BIRC6: variants seen among roughly 807,000 people sequenced by gnomAD.
The protein encoded by BIRC6 is baculoviral IAP repeat containing 6, also known as dual E2 ubiquitin-conjugating enzyme/E3 ubiquitin-protein ligase BIRC6.
A neutral mutation model predicts 503.3 loss-of-function variants in BIRC6; 98 were observed. The observed-to-expected ratio is 0.19, with a 90% confidence interval of 0.17 to 0.23. The LOEUF (loss-of-function observed/expected upper bound fraction) is 0.23. Ranked by LOEUF, BIRC6 falls within the 10% of genes least tolerant of loss-of-function variation. BIRC6 has a pLI of 1.00. For missense variants in BIRC6, 5,360 were observed against 5,806.0 expected, an observed-to-expected ratio of 0.92 and a Z score of 2.50; for synonymous variants, 2,240 against 2,078.7, an observed-to-expected ratio of 1.08 and a Z score of -2.11.
chr2:32,357,290 G>C lies in BIRC6; in HGVS notation c.129G>C (p.Ser43=). Residue 43 remains serine, a synonymous_variant, in exon 1 of 74, where the codon TCG becomes TCC. Transcript: ENST00000421745. This position sits in a 1 kb window ranked among gnomAD's most constrained non-coding sequence, Gnocchi z 4.9. The part of the protein sequence containing the change: ...AAAASGPGCS[S]AAGAGAAGVS... ...CGGCCTCGGGCCCCGGCTGCTCCTCGGCGGCGGGGGCGGGGGCGGCCGGGG... is the reference window on the plus strand; with the variant it reads ...CGGCCTCGGGCCCCGGCTGCTCCTCCGCGGCGGGGGCGGGGGCGGCCGGGG... The C allele has an allele frequency of 6.6e-7, 1 of 1,524,410 alleles. No individual in the cohort carries two copies. Among genetic ancestry groups the C allele is most frequent in the Non-Finnish European group, 8.8e-7 (1 of 1,139,358 alleles). The allele number at this position is 1,524,410 out of a possible 1,614,324, so 94.4% of individuals were successfully genotyped here. A position where few individuals can be genotyped will look rare whatever the true frequency, so the allele number is the denominator to read the frequency against.
At chr2:32,428,835 A>C (rs2043804517) in intron 10 of BIRC6, among the ~76,000 whole-genome samples, 1 of 152,206 alleles carries the variant, frequency 6.6e-6, no homozygotes, top group Non-Finnish European at 1.5e-5. Flanking sequence ...TAATAGTTCT[A>C]CCACAAGGGT....
rs1489283645 is a variant in BIRC6, at chr2:32,597,755, G to A, written c.13617G>A (p.Thr4539=). Residue 4539 remains threonine (T), a synonymous_variant, in exon 69 of 74, where the codon ACG becomes ACA. Transcript: ENST00000421745. ...VAVMKKLQFD[T]FEMVSEDEDG... is the part of the protein sequence containing the mutation. Reference sequence around the variant, plus strand: ...TATTTTTTCTTCTCCTTTTAGATACGTTTGAAATGGTTTCTGAAGATGAAG... The same window carrying A: ...TATTTTTTCTTCTCCTTTTAGATACATTTGAAATGGTTTCTGAAGATGAAG... 2.5e-5 allele frequency: 41 copies of A among 1,608,300 alleles called. No homozygotes were observed. Among genetic ancestry groups the A allele is most frequent in the Middle Eastern group, 1.6e-4 (1 of 6,068 alleles).
chr2:32,511,173 A>ATATTTAG (rs1207981236), intron 53 of BIRC6, among the ~76,000 whole-genome samples: 1 of 145,630 alleles, frequency 6.9e-6, no homozygotes, highest in Non-Finnish European at 1.5e-5. Context: ...CATTGGCTAA[A>ATATTTAG]TATTTAGTGA....
At chr2:32,375,296 G>A (rs949342624) in intron 1 of BIRC6, among the ~76,000 whole-genome samples, 3 of 151,954 alleles carry the variant, frequency 2.0e-5, no homozygotes, top group African/African-American at 7.3e-5. Flanking sequence ...GTATTGAATA[G>A]GAATGGTAAG....
At chr2:32,569,162 G>A (rs1459306866) in intron 65 of BIRC6, among the ~76,000 whole-genome samples, 2 of 151,734 alleles carry the variant, frequency 1.3e-5, no homozygotes, top group Admixed American at 6.6e-5. Context: ...GGTAATTTTT[G>A]TATTTTAGTA....
Position 32,468,689 on chromosome 2 carries a change from A to G in BIRC6, c.6033A>G (p.Pro2011=), listed in dbSNP as rs1458233566. 5 of 1,613,900 alleles carry G rather than the reference A, an allele frequency of 3.1e-6. No individual in the cohort carries two copies. The African/African-American group carries it at 5.3e-5, about 17-fold the overall frequency. ...AGATGTTGAGTGAAACATCAAATCC[A>G]GAAGATTTAATTCAGACATCTTCCA... ...SRKMLSETSN[P]EDLIQTSSTE... The change falls in exon 29 of 74, where the codon CCA becomes CCG. Residue 2011 remains proline, a synonymous_variant. Coordinates refer to ENST00000421745, the MANE Select transcript of BIRC6 (RefSeq NM_016252.4).
chr2:32,510,638 C>T lies in BIRC6; in HGVS notation c.10346+4C>T, dbSNP rs765182508. Reference sequence around the variant, plus strand: ...AGGATCCTGGTACAAAAGACAGGTACGATTTTATTTTTCATTTAATTAAGC... The same window carrying T: ...AGGATCCTGGTACAAAAGACAGGTATGATTTTATTTTTCATTTAATTAAGC... On this transcript the variant is annotated splice_donor_region_variant and intron_variant, in intron 53 of 73. Coordinates refer to ENST00000421745, the MANE Select transcript of BIRC6 (RefSeq NM_016252.4). 23 of 1,547,226 alleles carry T rather than the reference C, an allele frequency of 1.5e-5. No homozygotes were observed. The highest frequency in any genetic ancestry group is 4.5e-5 in the East Asian group (2 of 44,516).
chr2:32,461,087 C>G (rs1397884178), intron 23 of BIRC6, among the ~76,000 whole-genome samples: 2 of 7,018 alleles, frequency 2.8e-4, no homozygotes, highest in African/African-American at 1.1e-3. Flanking sequence ...CCTCTCCTCT[C>G]CTCTCCTCTC....
intron 65 of BIRC6, chr2:32,574,596 G>C (rs1307539499): frequency 6.4e-6 from 1 of 156,668 alleles, no homozygotes; most frequent in Non-Finnish European, 1.4e-5. Flanking sequence ...TCATTAAATG[G>C]AAGTGGATCA....
chr2:32,414,207 G>A (rs2042187683), intron 9 of BIRC6, among the ~76,000 whole-genome samples: 1 of 152,084 alleles, frequency 6.6e-6, no homozygotes, highest in African/African-American at 2.4e-5. Context: ...AACCTGGGAG[G>A]CGGAGGTTTT....
chr2:32,485,807 C>G (rs200608124), intron 40 of BIRC6, 48 bp downstream of exon 40: 1 of 1,245,576 alleles, frequency 8.0e-7, no homozygotes, highest in East Asian at 2.4e-5. Context: ...TGATTCAGCT[C>G]TTCATCATTT....
At position 32,502,828 on chromosome 2, in the gene BIRC6, T is replaced by A; in HGVS notation, c.9241T>A (p.Leu3081Ile). The A allele has an allele frequency of 6.2e-7, 1 of 1,613,042 alleles. No individual in the cohort carries two copies. Among genetic ancestry groups the A allele is most frequent in the Non-Finnish European group, 8.5e-7 (1 of 1,179,550 alleles). Residue 3081 changes from leucine (L) to isoleucine (I), a missense_variant, in exon 48 of 74, where the codon TTA becomes ATA. By Grantham distance (5) the Leu-to-Ile change is conservative (BLOSUM62 2). Coordinates refer to ENST00000421745, the MANE Select transcript of BIRC6 (RefSeq NM_016252.4). ...TGCTACTTGCCAGTTATCTGAGCCA[T>A]TATTGTGGTTCATTTTGAGAGTATT... ...SLATCQLSEP[L>I]LWFILRVLDT...
chr2:32,469,280 G>A (rs1288205739), intron 29 of BIRC6, 115 bp from the exon 30 acceptor site: 1 of 786,254 alleles, frequency 1.3e-6, no homozygotes. Context: ...AGAATAAATA[G>A]AATATAATTA....
At chr2:32,361,819 TTATC>T (rs1453019309) in intron 1 of BIRC6, among the ~76,000 whole-genome samples, 1 of 152,224 alleles carries the variant, frequency 6.6e-6, no homozygotes, top group Non-Finnish European at 1.5e-5. Context: ...GTTGCCTTCT[TTATC>T]TATATGCATT....
chr2:32,490,246 C>G (rs1053506151), intron 43 of BIRC6, 95 bp downstream of exon 43: 1 of 1,126,594 alleles, frequency 8.9e-7, no homozygotes, highest in African/African-American at 1.5e-5. Context: ...GAGTGGTATA[C>G]TTGTCAAAGT....
chr2:32,360,966 G>A (rs1276065105), intron 1 of BIRC6, among the ~76,000 whole-genome samples: 1 of 152,060 alleles, frequency 6.6e-6, no homozygotes, highest in African/African-American at 2.4e-5. Flanking sequence ...TGTGGCCCAG[G>A]CTGGAGTGCA....
At chr2:32,494,954 A>T (rs1015014714) in intron 45 of BIRC6, among the ~76,000 whole-genome samples, 2 of 152,276 alleles carry the variant, frequency 1.3e-5, no homozygotes, top group African/African-American at 4.8e-5. Context: ...AGTAGTGACT[A>T]TTGCCACTTT....
intron 61 of BIRC6, among the ~76,000 whole-genome samples, chr2:32,537,544 A>T (rs2057333024): frequency 6.6e-6 from 1 of 152,248 alleles, no homozygotes; most frequent in South Asian, 2.1e-4. Flanking sequence ...CTCATTGGAG[A>T]AAATTTTCTA....
chr2:32,392,531 C>T, intron 5 of BIRC6, among the ~76,000 whole-genome samples: 1 of 152,160 alleles, frequency 6.6e-6, no homozygotes, highest in East Asian at 1.9e-4. Flanking sequence ...GCTGGGATTA[C>T]AGGCATGCCA....
Sources: allele counts gnomAD v4.1 joint callset (sites outside exome capture counted in the v4.1 genomes callset), GRCh38; gene constraint gnomAD v4.1.1; non-coding constraint Gnocchi (gnomAD v3.1); transcripts MANE v1.5; gene names NCBI Gene and HGNC (gene_info 2026-07-23, HGNC 2026-07-21).